Variants in SP2 observed in about 807,000 individuals in gnomAD.
SP2 encodes the protein transcription factor Sp2.
In SP2, 9 loss-of-function variants were observed where a neutral mutation model predicts 50.1. The ratio of observed to expected loss-of-function variants is 0.18; its 90% CI spans 0.11 to 0.31. The LOEUF (loss-of-function observed/expected upper bound fraction) is 0.31. SP2 is among the 10% of genes least tolerant of loss of function. SP2 has a pLI of 1.00. For missense variants in SP2, 581 were observed against 806.5 expected (o/e 0.72, Z 3.39); for synonymous variants, 313 against 326.6 (o/e 0.96, Z 0.45).
At chr17:47,901,521 C>T (rs1004409719) in intron 1 of SP2, among the ~76,000 whole-genome samples, 2 of 152,162 alleles carry the variant, frequency 1.3e-5, no homozygotes, top group Admixed American at 6.5e-5. Context: ...TGCAGTGGTG[C>T]TATCCCGGCT....
At chr17:47,919,850 G>GT (rs1472999893) in intron 3 of SP2, among the ~76,000 whole-genome samples, 6 of 62,334 alleles carry the variant, frequency 9.6e-5, no homozygotes, top group Non-Finnish European at 1.7e-4. Context: ...TTTTTTTTCT[G>GT]TTTTTTTGAG....
intron 1 of SP2, chr17:47,897,730 T>G (rs1028696386): frequency 2.8e-6 from 1 of 359,006 alleles, no homozygotes; most frequent in Non-Finnish European, 3.9e-6. Flanking sequence ...TAATTTCAAT[T>G]ACTAACACAA....
chr17:47,927,669 C>T, intron 6 of SP2, 55 bp from the exon 7 acceptor site: 1 of 1,271,460 alleles, frequency 7.9e-7, no homozygotes, highest in East Asian at 2.5e-5. Context: ...CCTTTTTGGG[C>T]AGAGACAGGG....
chr17:47,916,088 T>A lies in SP2; in HGVS notation c.85-68T>A. 6.5e-7 allele frequency: 1 copy of A among 1,538,958 alleles called. No individual in the cohort carries two copies. Among genetic ancestry groups the A allele is most frequent in the South Asian group, 1.3e-5 (1 of 79,696 alleles). On this transcript the variant is annotated intron_variant, in intron 2 of 6. Coordinates refer to ENST00000376741, the MANE Select transcript of SP2 (RefSeq NM_003110.6). The surrounding 1 kb of genome is among the most constrained non-coding windows in gnomAD (Gnocchi z 4.7). The stretch of plus-strand genomic sequence containing the variant: ...GTGGAATGCCGCCAGGAGGAGAGGA[T>A]CATGGACAGAGGCGGCCGGGCAGCG...
chr17:47,916,570 A>G lies in SP2; in HGVS notation c.499A>G (p.Ile167Val), dbSNP rs778708940. The G allele has an allele frequency of 1.0e-4, 164 of 1,614,012 alleles. No homozygotes were observed. Among genetic ancestry groups the G allele is most frequent in the Non-Finnish European group, 1.3e-4 (158 of 1,180,018 alleles). Residue 167 changes from isoleucine to valine, a missense_variant, in exon 3 of 7, where the codon ATC becomes GTC. Around this residue, in one of 2 missense-constraint regions of SP2, gnomAD observed 397 missense variants for 491.0 expected, o/e 0.81. Transcript: ENST00000376741. This position sits in a 1 kb window ranked among gnomAD's most constrained non-coding sequence, Gnocchi z 4.7. ...QIIPGTNQAIITPSPSSHKPV... is the reference protein window; with the variant it reads ...QIIPGTNQAIVTPSPSSHKPV... ...CATCCCTGGCACCAACCAAGCCATC[A>G]TCACCCCCTCACCGTCCAGTCACAA...
chr17:47,927,678 G>T (rs1371181387), intron 6 of SP2, 46 bp from the exon 7 acceptor site: 2 of 1,339,666 alleles, frequency 1.5e-6, no homozygotes, highest in Non-Finnish European at 2.1e-6. Context: ...GCAGAGACAG[G>T]GTCTGTGCAC....
At chr17:47,922,551 C>A (rs915879529) in intron 3 of SP2, among the ~76,000 whole-genome samples, 11 of 147,280 alleles carry the variant, frequency 7.5e-5, no homozygotes, top group Admixed American at 3.4e-4. Flanking sequence ...CAGCGTATTG[C>A]TCTGTCACCC....
At chr17:47,905,830 T>C (rs1203859253) in intron 1 of SP2, among the ~76,000 whole-genome samples, 1 of 151,890 alleles carries the variant, frequency 6.6e-6, no homozygotes, top group African/African-American at 2.4e-5. Flanking sequence ...TGAGTGAGAG[T>C]ATAAATGAGC....
chr17:47,912,268 A>G (rs1237461943), intron 1 of SP2, among the ~76,000 whole-genome samples: 3 of 152,128 alleles, frequency 2.0e-5, no homozygotes, highest in Non-Finnish European at 4.4e-5. Flanking sequence ...ATCTGCATAT[A>G]TAATTTTGCC....
At chr17:47,897,806 G>C in intron 1 of SP2, 1 of 965,048 alleles carries the variant, frequency 1.0e-6, no homozygotes, top group Non-Finnish European at 1.2e-6. Context: ...ATTCTTGTGT[G>C]CGATGAAGGG....
At chr17:47,925,564 C>A in intron 6 of SP2, 23 bp downstream of exon 6, 1 of 1,596,820 alleles carries the variant, frequency 6.3e-7, no homozygotes, top group Non-Finnish European at 8.6e-7. Flanking sequence ...CCTTCGGGAC[C>A]CTCCACCCAC....
chr17:47,925,173 A>G, intron 5 of SP2, 80 bp downstream of exon 5: 1 of 1,506,554 alleles, frequency 6.6e-7, no homozygotes, highest in Non-Finnish European at 8.9e-7. Context: ...CAGAGCTGCA[A>G]GCTGGCACAG....
intron 1 of SP2, among the ~76,000 whole-genome samples, chr17:47,896,645 G>A (rs1286938362): frequency 6.6e-6 from 1 of 152,236 alleles, no homozygotes; most frequent in Non-Finnish European, 1.5e-5. Context: ...TCCCGCCTGG[G>A]CGAACTATGC....
chr17:47,909,466 G>C (rs1180738071), intron 1 of SP2, among the ~76,000 whole-genome samples: 1 of 152,082 alleles, frequency 6.6e-6, no homozygotes. Context: ...TGCCCAGGCT[G>C]GGCTCAAACA....
intron 6 of SP2, 140 bp from the exon 7 acceptor site, chr17:47,927,584 G>A (rs2144104101): frequency 2.0e-6 from 1 of 496,064 alleles, no homozygotes; most frequent in Non-Finnish European, 3.8e-6. Flanking sequence ...GTGAGCAAAT[G>A]TGAGAGCAGG....
chr17:47,923,524 A>G (rs1043312762), intron 4 of SP2, among the ~76,000 whole-genome samples: 5 of 152,238 alleles, frequency 3.3e-5, no homozygotes, highest in African/African-American at 1.2e-4. Context: ...TCCAACTGAC[A>G]TCCAAACGCA....
intron 1 of SP2, among the ~76,000 whole-genome samples, chr17:47,911,811 A>G (rs1291020961): frequency 2.0e-5 from 3 of 152,090 alleles, no homozygotes; most frequent in Admixed American, 6.6e-5. Flanking sequence ...TCTCAAAAAA[A>G]AAAAAAAAAA....
At chr17:47,901,729 T>A (rs2034549726) in intron 1 of SP2, among the ~76,000 whole-genome samples, 1 of 152,166 alleles carries the variant, frequency 6.6e-6, no homozygotes, top group Admixed American at 6.5e-5. Context: ...CTGGGTCAGC[T>A]AAACCCAGCT....
intron 2 of SP2, among the ~76,000 whole-genome samples, chr17:47,915,878 A>G (rs115256397): frequency 1.8e-3 from 279 of 152,276 alleles, no homozygotes; most frequent in African/African-American, 6.4e-3. Context: ...AGCGGAGAGT[A>G]GGAAGTCAGC....
Sources: allele counts gnomAD v4.1 joint callset (sites outside exome capture counted in the v4.1 genomes callset), GRCh38; gene constraint gnomAD v4.1.1; regional missense constraint gnomAD v4.1.1; non-coding constraint Gnocchi (gnomAD v3.1); transcripts MANE v1.5; gene names NCBI Gene and HGNC (gene_info 2026-07-23, HGNC 2026-07-21).